RGS17: variants seen among roughly 807,000 people sequenced by gnomAD.
RGS17 encodes regulator of G protein signaling 17, also known as regulator of G-protein signaling 17.
RGS17 carries 12 observed loss-of-function variants against 25.5 expected under a neutral mutation model. The observed-to-expected ratio is 0.47, with a 90% CI of 0.30 to 0.76. The LOEUF (loss-of-function observed/expected upper bound fraction) is 0.76. RGS17 is among the 30% of genes least tolerant of loss of function. The pLI is 0.07. For missense variants in RGS17, 196 were observed against 242.2 expected (o/e 0.81, Z 1.27); for synonymous variants, 71 against 76.9 (o/e 0.92, Z 0.40).
rs1339795378 is a variant in RGS17 at position 153,007,841 on chromosome 6, T to C, written c.*3733A>G. 6.6e-6 allele frequency: 1 copy of C among 152,212 alleles called. No individual in the cohort carries two copies. Among genetic ancestry groups the C allele is most frequent in the Non-Finnish European group, 1.5e-5 (1 of 68,046 alleles). 9.4% of individuals were successfully genotyped at this position (152,212 alleles called of 1,614,324 possible). On this transcript the variant is annotated 3_prime_UTR_variant, in exon 5 of 5. Transcript: ENST00000206262. ...CCTGAGCTCAAGTGATCCGCCCTCT[T>C]TGGCTTCCCAAAGTGCTGGGATTAC... is the stretch of plus-strand genomic sequence containing the variant.
intron 2 of RGS17, among the ~76,000 whole-genome samples, chr6:153,040,683 A>T (rs1461053451): frequency 6.6e-6 from 1 of 151,876 alleles, no homozygotes; most frequent in African/African-American, 2.4e-5. Context: ...TCTGAAGAAC[A>T]TTTATTTCTT....
rs1033986018 is a variant in RGS17, at chr6:153,009,394, T to C, written c.*2180A>G. ...TACATGTGTATATATCATAGTAGCA[T>C]AATAAACTCAATTCTAAGCAAGAAA... is the stretch of plus-strand genomic sequence containing the variant. On this transcript the variant is annotated 3_prime_UTR_variant, in exon 5 of 5. Transcript: ENST00000206262. 4 of 152,158 alleles carry C rather than the reference T, an allele frequency of 2.6e-5. No homozygotes were observed. Among genetic ancestry groups the C allele is most frequent in the Middle Eastern group, 3.4e-3 (1 of 294 alleles). The allele number at this position is 152,158 out of a possible 1,614,324, so 9.4% of individuals were successfully genotyped here. A position where few individuals can be genotyped will look rare whatever the true frequency, so the allele number is the denominator to read the frequency against.
At chr6:153,058,456 GA>G (rs1423124783) in intron 1 of RGS17, among the ~76,000 whole-genome samples, 3 of 152,162 alleles carry the variant, frequency 2.0e-5, no homozygotes, top group Non-Finnish European at 2.9e-5. Context: ...ACATGTAAAT[GA>G]ACTGAGTCTA....
chr6:153,027,502 G>A (rs865824243), intron 2 of RGS17, among the ~76,000 whole-genome samples: 1 of 152,084 alleles, frequency 6.6e-6, no homozygotes, highest in East Asian at 1.9e-4. Flanking sequence ...TAAGAGCCTG[G>A]CAGAGAGCAC....
intron 1 of RGS17, among the ~76,000 whole-genome samples, chr6:153,097,507 T>C (rs1777235839): frequency 6.6e-6 from 1 of 151,990 alleles, no homozygotes; most frequent in East Asian, 1.9e-4. Flanking sequence ...TAAAGAACAG[T>C]AAGTTCATGA....
At chr6:153,052,489 G>T (rs955580230) in intron 1 of RGS17, among the ~76,000 whole-genome samples, 2 of 151,918 alleles carry the variant, frequency 1.3e-5, no homozygotes, top group Admixed American at 6.5e-5. Context: ...AGTAATTGTG[G>T]TTTTTTGCCA....
chr6:153,105,269 C>G (rs1777362192), intron 1 of RGS17, among the ~76,000 whole-genome samples: 1 of 152,094 alleles, frequency 6.6e-6, no homozygotes, highest in Non-Finnish European at 1.5e-5. Context: ...AGTTGTTGTT[C>G]TGTCTACCTT....
At chr6:153,023,194 C>A (rs1021242635) in intron 4 of RGS17, among the ~76,000 whole-genome samples, 3 of 152,124 alleles carry the variant, frequency 2.0e-5, no homozygotes, top group Admixed American at 6.6e-5. Flanking sequence ...TTTTATAGAT[C>A]TCAAAGCAAG....
intron 1 of RGS17, among the ~76,000 whole-genome samples, chr6:153,122,318 A>C (rs1777644273): frequency 6.6e-6 from 1 of 152,180 alleles, no homozygotes; most frequent in South Asian, 2.1e-4. Flanking sequence ...TTTTGGAGAC[A>C]ATTCCAGTGT....
At chr6:153,091,874 T>C (rs1381308695) in intron 1 of RGS17, among the ~76,000 whole-genome samples, 1 of 152,190 alleles carries the variant, frequency 6.6e-6, no homozygotes, top group Admixed American at 6.6e-5. Context: ...CATTTAATCA[T>C]ATTCTGTAAA....
At chr6:153,063,021 C>T (rs937222569) in intron 1 of RGS17, among the ~76,000 whole-genome samples, 7 of 152,174 alleles carry the variant, frequency 4.6e-5, no homozygotes, top group African/African-American at 1.7e-4. Flanking sequence ...TTACTGGGCT[C>T]GGGGTGCCCC....
intron 4 of RGS17, among the ~76,000 whole-genome samples, chr6:153,022,554 A>T (rs1026398099): frequency 5.9e-5 from 9 of 152,206 alleles, no homozygotes; most frequent in Non-Finnish European, 1.3e-4. Context: ...AATCTAGACA[A>T]CTATCACTTT....
intron 4 of RGS17, among the ~76,000 whole-genome samples, chr6:153,017,361 A>G (rs775233498): frequency 6.6e-6 from 1 of 152,194 alleles, no homozygotes. Flanking sequence ...CTTGCAAGCA[A>G]AAAGTCATGA....
intron 4 of RGS17, among the ~76,000 whole-genome samples, chr6:153,019,141 ATGCCTTCATTC>A (rs1483360668): frequency 6.6e-6 from 1 of 152,182 alleles, no homozygotes; most frequent in Non-Finnish European, 1.5e-5. Context: ...GGCTTTCCCC[ATGCCTTCATTC>A]ATAACACTAG....
chr6:153,088,725 C>G (rs828925), intron 1 of RGS17, among the ~76,000 whole-genome samples: 81,847 of 151,714 alleles, frequency 0.54, 22,357 homozygotes, highest in South Asian at 0.63. Flanking sequence ...TGCCCAAGTG[C>G]AGATGCTTTT....
At chr6:153,117,294 G>A (rs1340660439) in intron 1 of RGS17, among the ~76,000 whole-genome samples, 1 of 152,064 alleles carries the variant, frequency 6.6e-6, no homozygotes, top group Non-Finnish European at 1.5e-5. Flanking sequence ...ATTAGCTCTT[G>A]TGAGAACTCA....
At chr6:153,012,717 A>C (rs148901795) in intron 4 of RGS17, among the ~76,000 whole-genome samples, 1 of 152,342 alleles carries the variant, frequency 6.6e-6, no homozygotes, top group African/African-American at 2.4e-5. Context: ...TTAGCAAGGA[A>C]TAGGACCTGT....
chr6:153,023,544 T>C (rs2129106844), intron 4 of RGS17: 1 of 232,870 alleles, frequency 4.3e-6, no homozygotes, highest in African/African-American at 2.3e-5. Flanking sequence ...AAACAGTCAA[T>C]GGAAAAGTGC....
rs566125793 is a variant in RGS17 at position 153,030,894 on chromosome 6, G to A, written c.120-4351C>T. 5.3e-5 allele frequency among the ~76,000 whole-genome samples: 8 copies of A among 152,278 alleles called. No homozygotes were observed. The South Asian group carries it at 1.7e-3, about 32-fold the overall frequency. On this transcript the variant is annotated intron_variant, in intron 2 of 4. Transcript: ENST00000206262. ...AGAACTCGGACAGAACTGTGCATAT[G>A]GGGTTTCTTAGACACCCTTGATGGT...
Sources: allele counts gnomAD v4.1 joint callset (sites outside exome capture counted in the v4.1 genomes callset), GRCh38; gene constraint gnomAD v4.1.1; transcripts MANE v1.5; gene names NCBI Gene and HGNC (gene_info 2026-07-23, HGNC 2026-07-21).